GRID1: variants seen among roughly 807,000 people sequenced by gnomAD.
GRID1 encodes glutamate receptor ionotropic, delta-1.
A neutral mutation model predicts 98.0 loss-of-function variants in GRID1; 28 were observed. That is an observed-to-expected ratio of 0.29 (90% CI 0.21 to 0.39). GRID1 has a LOEUF of 0.39. GRID1 is among the 10% of genes least tolerant of loss of function. The pLI, the probability that GRID1 is intolerant of heterozygous loss-of-function variation, is 1.00. For missense variants in GRID1, 1,111 were observed against 1,340.5 expected (o/e 0.83, Z 2.67); for synonymous variants, 553 against 538.5 (o/e 1.03, Z -0.37).
At chr10:85,686,419 G>A (rs1841269552) in intron 12 of GRID1, among the ~76,000 whole-genome samples, 3 of 152,164 alleles carry the variant, frequency 2.0e-5, no homozygotes, top group African/African-American at 4.8e-5. Flanking sequence ...GTCAATATTG[G>A]CATACTGGCA....
chr10:85,924,804 CCTT>C (rs1446544233), intron 4 of GRID1, among the ~76,000 whole-genome samples: 3 of 152,222 alleles, frequency 2.0e-5, no homozygotes, highest in African/African-American at 7.2e-5. Context: ...TGGCCTCAGT[CCTT>C]CTTGTTGACC....
intron 4 of GRID1, among the ~76,000 whole-genome samples, chr10:86,138,108 G>A (rs1844955499): frequency 6.6e-6 from 1 of 152,050 alleles, no homozygotes; most frequent in Non-Finnish European, 1.5e-5. Flanking sequence ...CAGGCCAGAG[G>A]GAGACCTGCC....
At chr10:86,353,834 T>C (rs998598827) in intron 2 of GRID1, among the ~76,000 whole-genome samples, 17 of 152,260 alleles carry the variant, frequency 1.1e-4, no homozygotes, top group Non-Finnish European at 1.5e-4. Context: ...AGGACCAGCA[T>C]TGGATGTTAC....
At chr10:86,161,470 C>T (rs1845322517) in intron 3 of GRID1, among the ~76,000 whole-genome samples, 1 of 152,228 alleles carries the variant, frequency 6.6e-6, no homozygotes, top group Non-Finnish European at 1.5e-5. Context: ...CCCCACCGAG[C>T]GCTCCTGCTC....
intron 8 of GRID1, among the ~76,000 whole-genome samples, chr10:85,829,406 A>G (rs1842848017): frequency 6.6e-6 from 1 of 152,180 alleles, no homozygotes; most frequent in African/African-American, 2.4e-5. Flanking sequence ...AAGGATGCCC[A>G]TTATCATGAC....
intron 8 of GRID1, among the ~76,000 whole-genome samples, chr10:85,770,086 C>G (rs1353637802): frequency 1.3e-5 from 2 of 152,210 alleles, no homozygotes; most frequent in African/African-American, 2.4e-5. Context: ...CCAGTAGGGG[C>G]AGACTGACAC....
chr10:85,601,569 A>G lies in GRID1; in HGVS notation c.*704T>C, dbSNP rs905178154. The G allele has an allele frequency of 2.6e-5, 4 of 152,218 alleles. No individual in the cohort carries two copies. Among genetic ancestry groups the G allele is most frequent in the Non-Finnish European group, 5.9e-5 (4 of 68,046 alleles). 9.4% of individuals were successfully genotyped at this position (152,218 alleles called of 1,614,324 possible). A position where few individuals can be genotyped will look rare whatever the true frequency, so the allele number is the denominator to read the frequency against. On this transcript the variant is annotated 3_prime_UTR_variant, in exon 16 of 16. Coordinates refer to ENST00000327946, the MANE Select transcript of GRID1 (RefSeq NM_017551.3). ...GAACAGCTCAGTATCAAAGCCCTCA[A>G]TTACCTCACTATGGGTAATTGTCAG...
chr10:86,001,991 C>T (rs752006567), intron 4 of GRID1, among the ~76,000 whole-genome samples: 4 of 152,186 alleles, frequency 2.6e-5, no homozygotes, highest in Non-Finnish European at 5.9e-5. Context: ...CCTCCCTCTT[C>T]ACATGGCCAC....
chr10:85,803,276 T>C (rs1470208782), intron 8 of GRID1, among the ~76,000 whole-genome samples: 2 of 152,136 alleles, frequency 1.3e-5, no homozygotes, highest in Non-Finnish European at 1.5e-5. Flanking sequence ...TTTGAGAGGA[T>C]GGATACATTC....
chr10:86,170,084 C>T (rs1319238835), intron 3 of GRID1, among the ~76,000 whole-genome samples: 2 of 152,222 alleles, frequency 1.3e-5, no homozygotes, highest in Admixed American at 1.3e-4. Context: ...CAAGCCACCT[C>T]TCCCAAGAAG....
chr10:86,322,695 G>C (rs1847987451), intron 2 of GRID1, among the ~76,000 whole-genome samples: 1 of 151,580 alleles, frequency 6.6e-6, no homozygotes, highest in Admixed American at 6.6e-5. Flanking sequence ...ACAGGTGTGA[G>C]CCACCTTGCC....
At chr10:86,194,951 AC>A (rs756409876) in intron 3 of GRID1, among the ~76,000 whole-genome samples, 80 of 151,932 alleles carry the variant, frequency 5.3e-4, no homozygotes, top group Non-Finnish European at 1.1e-3. Flanking sequence ...CCTGAGCCCC[AC>A]CCAGCACCTG....
At chr10:86,109,245 A>G (rs185231036) in intron 4 of GRID1, among the ~76,000 whole-genome samples, 2 of 152,332 alleles carry the variant, frequency 1.3e-5, no homozygotes, top group African/African-American at 4.8e-5. Flanking sequence ...CCTAGCAGCT[A>G]ATAAGACATG....
intron 2 of GRID1, among the ~76,000 whole-genome samples, chr10:86,261,324 G>A (rs775742491): frequency 2.1e-4 from 32 of 152,344 alleles, no homozygotes; most frequent in African/African-American, 7.0e-4. Flanking sequence ...AGGACCTGCC[G>A]GCATGGCAAA....
intron 2 of GRID1, among the ~76,000 whole-genome samples, chr10:86,208,121 G>A (rs548330594): frequency 6.6e-6 from 1 of 152,246 alleles, no homozygotes; most frequent in African/African-American, 2.4e-5. Context: ...GCAGTGGGAG[G>A]CAGGGGAACA....
intron 8 of GRID1, among the ~76,000 whole-genome samples, chr10:85,782,849 ATCT>A (rs1211328285): frequency 1.3e-5 from 2 of 152,234 alleles, no homozygotes; most frequent in Admixed American, 1.3e-4. Context: ...GCACGTCTAA[ATCT>A]TCTTCCAGGA....
intron 5 of GRID1, among the ~76,000 whole-genome samples, chr10:85,885,549 T>TA (rs996891220): frequency 6.6e-6 from 1 of 152,158 alleles, no homozygotes; most frequent in Admixed American, 6.5e-5. Flanking sequence ...ATGAGAACAA[T>TA]AAAAATGATG....
chr10:85,787,907 G>A (rs1842444089), intron 8 of GRID1, among the ~76,000 whole-genome samples: 1 of 152,036 alleles, frequency 6.6e-6, no homozygotes, highest in Non-Finnish European at 1.5e-5. Context: ...GTCCCCAGTG[G>A]CTCACAGAAT....
At chr10:86,143,847 A>G (rs771956334) in intron 3 of GRID1, among the ~76,000 whole-genome samples, 17 of 152,340 alleles carry the variant, frequency 1.1e-4, no homozygotes, top group Admixed American at 2.0e-4. Flanking sequence ...CTCGGGGTGC[A>G]TGGGCCAGTC....
Sources: gnomAD v4.1 joint callset for allele counts (sites outside exome capture counted in the v4.1 genomes callset) on GRCh38, gnomAD v4.1.1 for gene constraint, MANE v1.5 for transcripts, NCBI Gene and HGNC (gene_info 2026-07-23, HGNC 2026-07-21) for gene names.